EXOC4: variants seen among roughly 807,000 people sequenced by gnomAD.
EXOC4 encodes SEC8-like 1.
Under a neutral mutation model 107.2 loss-of-function variants are expected in EXOC4, and 71 were observed. That is an observed-to-expected ratio of 0.66 (90% CI 0.55 to 0.81). The LOEUF is 0.81. Ranked by LOEUF, EXOC4 falls within the 30% of genes least tolerant of loss-of-function variation. The pLI, the probability that EXOC4 is intolerant of heterozygous loss-of-function variation, is 0.00. For missense variants in EXOC4, 1,108 were observed against 1,189.6 expected (o/e 0.93, Z 1.01); for synonymous variants, 456 against 441.2 (o/e 1.03, Z -0.42).
chr7:133,629,720 T>C (rs1802543375), intron 9 of EXOC4, among the ~76,000 whole-genome samples: 1 of 151,924 alleles, frequency 6.6e-6, no homozygotes, highest in Admixed American at 6.6e-5. Flanking sequence ...TTTTTTTTTT[T>C]TTAATAGAGA....
At chr7:133,574,667 G>T (rs1213249825) in intron 9 of EXOC4, among the ~76,000 whole-genome samples, 1 of 152,152 alleles carries the variant, frequency 6.6e-6, no homozygotes, top group Non-Finnish European at 1.5e-5. Context: ...TGGTCAGCAT[G>T]ACCATTGCTT....
At position 133,264,374 on chromosome 7, in the gene EXOC4, T is replaced by C. The variant is rs148834187; in HGVS notation, c.87-10608T>C. Among the ~76,000 whole-genome samples the C allele has an allele frequency of 3.5e-4, 54 of 152,346 alleles. No individual in the cohort carries two copies. The East Asian group carries it at 8.9e-3, about 25-fold the overall frequency. Reference sequence around the variant, plus strand: ...AAAATTGTTTACTGTCACTTGATACTAAATACATCTCTTTGTATTGTTAGG... The same window carrying C: ...AAAATTGTTTACTGTCACTTGATACCAAATACATCTCTTTGTATTGTTAGG... On this transcript the variant is annotated intron_variant, in intron 1 of 17. Coordinates refer to ENST00000253861, the MANE Select transcript of EXOC4 (RefSeq NM_021807.4).
At position 133,980,263 on chromosome 7, in the gene EXOC4, G is replaced by T. The variant is rs73156967; in HGVS notation, c.2207-17229G>T. On this transcript the variant is annotated intron_variant, in intron 14 of 17. Coordinates refer to ENST00000253861, the MANE Select transcript of EXOC4 (RefSeq NM_021807.4). ...TGAACAACTAGGCCCACAGCTGTCAGATTTCTTGCAAGGTTTTTCGAGGAG... is the reference window on the plus strand; with the variant it reads ...TGAACAACTAGGCCCACAGCTGTCATATTTCTTGCAAGGTTTTTCGAGGAG... Among the ~76,000 whole-genome samples the T allele has an allele frequency of 5.0e-3, 764 of 152,312 alleles. 6 individuals are homozygous for T. Among genetic ancestry groups the T allele is most frequent in the Non-Finnish European group, 5.6e-3 (382 of 68,034 alleles).
Position 133,475,430 on chromosome 7 carries a change from T to C in EXOC4, c.1285T>C (p.Phe429Leu). The change falls in exon 8 of 18, where the codon TTT (phenylalanine) becomes CTT (leucine). Residue 429 changes from phenylalanine (F) to leucine (L), a missense_variant. By Grantham distance (22) the Phe-to-Leu change is conservative (BLOSUM62 0). Transcript: ENST00000253861. ...CACTGGACGAGAGTTTGCAGCCTTT[T>C]TTGCCAAGAAGAAACCTCAAAGGCC... The part of the protein sequence containing the change: ...ASTGREFAAF[F>L]AKKKPQRPKN... 2 of 1,614,064 alleles carry C rather than the reference T, an allele frequency of 1.2e-6. No homozygotes were observed. The highest frequency in any genetic ancestry group is 1.7e-6 in the Non-Finnish European group (2 of 1,179,966).
At chr7:133,767,236 C>G (rs958445808) in intron 10 of EXOC4, among the ~76,000 whole-genome samples, 1 of 151,928 alleles carries the variant, frequency 6.6e-6, no homozygotes, top group African/African-American at 2.4e-5. Context: ...ATCACAAGAG[C>G]TGGATCTTTG....
chr7:133,744,148 T>C (rs1371654489), intron 10 of EXOC4, among the ~76,000 whole-genome samples: 1 of 148,472 alleles, frequency 6.7e-6, no homozygotes, highest in South Asian at 2.1e-4. Flanking sequence ...AAAAAAAAAA[T>C]GTGGAAGAGA....
intron 15 of EXOC4, among the ~76,000 whole-genome samples, chr7:134,000,283 G>T (rs985157482): frequency 6.6e-6 from 1 of 151,934 alleles, no homozygotes; most frequent in African/African-American, 2.4e-5. Flanking sequence ...TTTTCAGTTT[G>T]CACAGTGATG....
chr7:133,855,276 A>C (rs1043636449), intron 11 of EXOC4, among the ~76,000 whole-genome samples: 1 of 150,348 alleles, frequency 6.7e-6, no homozygotes, highest in Non-Finnish European at 1.5e-5. Context: ...TCCTGAACCA[A>C]CCTTCCTGGA....
chr7:133,580,818 A>T (rs1801248510), intron 9 of EXOC4, among the ~76,000 whole-genome samples: 1 of 152,164 alleles, frequency 6.6e-6, no homozygotes, highest in Admixed American at 6.5e-5. Flanking sequence ...CTGAATGTGG[A>T]TTCGTGTCAG....
chr7:133,396,997 A>G (rs1796982537), intron 7 of EXOC4, among the ~76,000 whole-genome samples: 1 of 152,312 alleles, frequency 6.6e-6, no homozygotes, highest in South Asian at 2.1e-4. Flanking sequence ...TGTTTGTCAC[A>G]ACAATAATCA....
At chr7:133,971,784 T>G (rs1237995958) in intron 14 of EXOC4, among the ~76,000 whole-genome samples, 1 of 152,162 alleles carries the variant, frequency 6.6e-6, no homozygotes, top group Non-Finnish European at 1.5e-5. Flanking sequence ...AATAGAGTGT[T>G]TAGCTGACTC....
In EXOC4 at chr7:133,416,672, A is replaced by AT. The variant is rs1231283590; in HGVS notation, c.1182+41671dup. On this transcript the variant is annotated intron_variant, in intron 7 of 17. Transcript: ENST00000253861. The stretch of plus-strand genomic sequence containing the variant: ...GATCGGTCAATCTTAGTATTCCCTC[A>AT]TGTCTCCTCCACTATCAGATATTTG... Among the ~76,000 whole-genome samples, 3 of 152,288 alleles carry AT rather than the reference A, an allele frequency of 2.0e-5. No homozygotes were observed. The South Asian group carries it at 6.2e-4, about 32-fold the overall frequency.
intron 3 of EXOC4, among the ~76,000 whole-genome samples, chr7:133,299,598 T>A (rs1794598369): frequency 6.6e-6 from 1 of 152,194 alleles, no homozygotes; most frequent in African/African-American, 2.4e-5. Flanking sequence ...GGGTGAAATC[T>A]TTCATGAAGG....
chr7:133,525,004 T>C (rs1371116638), intron 9 of EXOC4, among the ~76,000 whole-genome samples: 1 of 152,206 alleles, frequency 6.6e-6, no homozygotes, highest in Non-Finnish European at 1.5e-5. Flanking sequence ...ACAAAGTTAC[T>C]CTATTGTCAG....
At chr7:133,451,714 C>T (rs1563071340) in intron 7 of EXOC4, among the ~76,000 whole-genome samples, 1 of 152,086 alleles carries the variant, frequency 6.6e-6, no homozygotes, top group Non-Finnish European at 1.5e-5. Context: ...CATAGTTCAC[C>T]CAGCTGAACT....
intron 9 of EXOC4, among the ~76,000 whole-genome samples, chr7:133,518,634 A>G (rs1481159671): frequency 6.6e-6 from 1 of 152,314 alleles, no homozygotes; most frequent in East Asian, 1.9e-4. Context: ...AATGTAGTGT[A>G]TACATAGCAT....
At chr7:133,660,181 T>TTA (rs1008979794) in intron 10 of EXOC4, among the ~76,000 whole-genome samples, 3 of 151,730 alleles carry the variant, frequency 2.0e-5, no homozygotes, top group Non-Finnish European at 4.4e-5. Flanking sequence ...TCATTAATTT[T>TTA]TTTTTTTTTG....
chr7:133,518,281 G>GC lies in EXOC4; in HGVS notation c.1417+38149dup, dbSNP rs34806576. Reference sequence around the variant, plus strand: ...GCACGCAGAGATGGTAAGAAATTTTGCCCCCCACCCCCTTTTTTTTTTCGT... The same window carrying GC: ...GCACGCAGAGATGGTAAGAAATTTTGCCCCCCCACCCCCTTTTTTTTTTCGT... On this transcript the variant is annotated intron_variant, in intron 9 of 17. Coordinates refer to ENST00000253861, the MANE Select transcript of EXOC4 (RefSeq NM_021807.4). Among the ~76,000 whole-genome samples, 13 of 150,508 alleles carry GC rather than the reference G, an allele frequency of 8.6e-5. No individual in the cohort carries two copies. In the East Asian group the frequency reaches 1.6e-3, roughly 18 times the overall value.
At chr7:133,530,277 C>G (rs1800157276) in intron 9 of EXOC4, among the ~76,000 whole-genome samples, 1 of 152,128 alleles carries the variant, frequency 6.6e-6, no homozygotes, top group African/African-American at 2.4e-5. Flanking sequence ...AATGGATATA[C>G]AATCATGCAT....
Sources: gnomAD v4.1 joint callset for allele counts (sites outside exome capture counted in the v4.1 genomes callset) on GRCh38, gnomAD v4.1.1 for gene constraint, MANE v1.5 for transcripts, NCBI Gene and HGNC (gene_info 2026-07-23, HGNC 2026-07-21) for gene names.